The following PLXDC2 variants were observed in gnomAD, a reference collection of about 807,000 sequenced individuals.
PLXDC2 encodes plexin domain containing 2.
PLXDC2 carries 40 observed loss-of-function variants against 68.9 expected under a neutral mutation model. That is an observed-to-expected ratio of 0.58 (90% confidence interval 0.45 to 0.76). The LOEUF is 0.76. Among genes scored for constraint, PLXDC2 ranks in the 30% least tolerant of loss-of-function variants. The pLI, the probability that PLXDC2 is intolerant of heterozygous loss-of-function variation, is 0.00. For missense variants in PLXDC2, 644 were observed against 661.9 expected, an observed-to-expected ratio of 0.97 and a Z score of 0.30; for synonymous variants, 243 against 234.2, an observed-to-expected ratio of 1.04 and a Z score of -0.34.
At chr10:20,117,649 C>A (rs1262650718) in intron 4 of PLXDC2, among the ~76,000 whole-genome samples, 1 of 152,038 alleles carries the variant, frequency 6.6e-6, no homozygotes, top group African/African-American at 2.4e-5. Flanking sequence ...TATTGCCCAG[C>A]AGTAAGAATA....
intron 1 of PLXDC2, among the ~76,000 whole-genome samples, chr10:19,823,665 C>A (rs1330083968): frequency 6.7e-6 from 1 of 148,830 alleles, no homozygotes; most frequent in African/African-American, 2.5e-5. Context: ...AGCAAGACTT[C>A]ATCTCAAAAA....
At chr10:19,945,129 A>G (rs1044006440) in intron 1 of PLXDC2, among the ~76,000 whole-genome samples, 3 of 152,232 alleles carry the variant, frequency 2.0e-5, no homozygotes, top group Admixed American at 2.0e-4. Flanking sequence ...TTCATTATGT[A>G]TGAAGAAACC....
intron 1 of PLXDC2, among the ~76,000 whole-genome samples, chr10:19,949,435 A>G: frequency 6.6e-6 from 1 of 152,198 alleles, no homozygotes; most frequent in Non-Finnish European, 1.5e-5. Context: ...TTCTGAGAAT[A>G]CATGAGGCTG....
At chr10:19,961,514 G>T (rs1324245943) in intron 1 of PLXDC2, among the ~76,000 whole-genome samples, 1 of 152,248 alleles carries the variant, frequency 6.6e-6, no homozygotes, top group East Asian at 1.9e-4. Flanking sequence ...ATTGCGTAAG[G>T]AGGGTTCAGC....
rs554979922 is a variant in PLXDC2, at chr10:19,825,061, A to G, written c.112+7870A>G. On this transcript the variant is annotated intron_variant, in intron 1 of 13. Transcript: ENST00000377252. ...TACCTTTACCTTACCCTTCAAATTA[A>G]AATAGGCTGTCCTCACTCTTTCTGC... Among the ~76,000 whole-genome samples the G allele has an allele frequency of 2.6e-5, 4 of 152,224 alleles. No individual in the cohort carries two copies. The South Asian group carries it at 8.3e-4, about 32-fold the overall frequency.
chr10:19,828,634 T>C (rs569719349), intron 1 of PLXDC2, among the ~76,000 whole-genome samples: 2 of 152,374 alleles, frequency 1.3e-5, no homozygotes, highest in East Asian at 3.9e-4. Flanking sequence ...AAAGTCATTC[T>C]GCACATGACA....
intron 6 of PLXDC2, among the ~76,000 whole-genome samples, chr10:20,158,048 A>G (rs556064286): frequency 4.6e-5 from 7 of 152,236 alleles, no homozygotes; most frequent in African/African-American, 1.7e-4. Flanking sequence ...ACTTAAAAAT[A>G]ATAAAGCTAC....
At chr10:19,995,535 G>A (rs1209931111) in intron 1 of PLXDC2, among the ~76,000 whole-genome samples, 5 of 152,196 alleles carry the variant, frequency 3.3e-5, no homozygotes, top group African/African-American at 1.2e-4. Flanking sequence ...AAGGTGTTCA[G>A]CATAAATCCC....
chr10:20,269,193 T>C (rs532788848), intron 13 of PLXDC2, among the ~76,000 whole-genome samples: 6 of 152,326 alleles, frequency 3.9e-5, no homozygotes, highest in Non-Finnish European at 8.8e-5. Context: ...TAATTATTAA[T>C]AGTTTCTCCA....
intron 2 of PLXDC2, among the ~76,000 whole-genome samples, chr10:20,016,141 G>A (rs1455909049): frequency 6.6e-6 from 1 of 152,196 alleles, no homozygotes; most frequent in Non-Finnish European, 1.5e-5. Context: ...CAAGTCTGGG[G>A]AAAATCTAAC....
intron 1 of PLXDC2, among the ~76,000 whole-genome samples, chr10:19,991,090 T>C (rs1185160443): frequency 6.6e-6 from 1 of 151,986 alleles, no homozygotes; most frequent in Non-Finnish European, 1.5e-5. Context: ...CCACTAAAAA[T>C]ACAAAATTAG....
At chr10:19,879,521 G>T (rs1488750175) in intron 1 of PLXDC2, among the ~76,000 whole-genome samples, 1 of 152,110 alleles carries the variant, frequency 6.6e-6, no homozygotes, top group African/African-American at 2.4e-5. Context: ...CCAAGTGCTT[G>T]TATTTCGACA....
intron 9 of PLXDC2, among the ~76,000 whole-genome samples, chr10:20,192,707 A>G (rs1162302264): frequency 6.6e-6 from 1 of 152,064 alleles, no homozygotes; most frequent in Non-Finnish European, 1.5e-5. Context: ...ATGAAAAGAG[A>G]GAATAATCTT....
intron 1 of PLXDC2, among the ~76,000 whole-genome samples, chr10:19,945,054 G>A (rs538379328): frequency 1.9e-3 from 294 of 152,288 alleles, no homozygotes; most frequent in African/African-American, 6.8e-3. Flanking sequence ...CCTTTGATTG[G>A]CCAAAACTCA....
At chr10:20,088,826 T>G (rs1048429877) in intron 4 of PLXDC2, among the ~76,000 whole-genome samples, 3 of 152,238 alleles carry the variant, frequency 2.0e-5, no homozygotes, top group African/African-American at 7.2e-5. Flanking sequence ...TAGCAAATGC[T>G]AAACACTCAA....
At chr10:20,034,301 TA>T (rs1835545211) in intron 2 of PLXDC2, among the ~76,000 whole-genome samples, 2 of 152,210 alleles carry the variant, frequency 1.3e-5, no homozygotes, top group Non-Finnish European at 2.9e-5. Flanking sequence ...GGTTTACTAT[TA>T]AAAGTAACAG....
Position 20,044,193 on chromosome 10 carries a change from C to CTT in PLXDC2, c.325-2675_325-2674insTT, listed in dbSNP as rs746482865. Among the ~76,000 whole-genome samples, 6 of 85,832 alleles carry CTT rather than the reference C, an allele frequency of 7.0e-5. No homozygotes were observed. In the South Asian group the frequency reaches 1.3e-3, roughly 18 times the overall value. The allele number at this position is 85,832 out of a possible 152,430, so 56.3% of individuals were successfully genotyped here. On this transcript the variant is annotated intron_variant, in intron 2 of 13. Transcript: ENST00000377252. ...TCTTTCTTTCCTTCTTTCTTTCTTT[C>CTT]TCTCTCTCTCTCTCTCTGTCTTTCT... is the stretch of plus-strand genomic sequence containing the variant.
chr10:19,829,041 G>T (rs753336112), intron 1 of PLXDC2, among the ~76,000 whole-genome samples: 1 of 151,842 alleles, frequency 6.6e-6, no homozygotes, highest in Non-Finnish European at 1.5e-5. Context: ...GGTCCTGTTT[G>T]ACCTCTTCAG....
intron 1 of PLXDC2, among the ~76,000 whole-genome samples, chr10:19,858,212 T>C (rs1006140651): frequency 2.0e-5 from 3 of 152,188 alleles, no homozygotes; most frequent in African/African-American, 7.2e-5. Context: ...CGGGTGGCTG[T>C]AGTCCCCCAA....
Sources: gnomAD v4.1 joint callset for allele counts (sites outside exome capture counted in the v4.1 genomes callset) on GRCh38, gnomAD v4.1.1 for gene constraint, MANE v1.5 for transcripts, NCBI Gene and HGNC (gene_info 2026-07-23, HGNC 2026-07-21) for gene names.